The following TMEM131L variants were observed in gnomAD, a reference collection of about 807,000 sequenced individuals.
TMEM131L encodes transmembrane 131 like, also known as transmembrane protein 131-like.
In TMEM131L, 54 loss-of-function variants were observed where a neutral mutation model predicts 192.2. The observed-to-expected ratio is 0.28, with a 90% CI of 0.23 to 0.35. The LOEUF is 0.35. Among genes scored for constraint, TMEM131L ranks in the 10% least tolerant of loss-of-function variants. The pLI, the probability that TMEM131L is intolerant of heterozygous loss-of-function variation, is 1.00. For synonymous variants in TMEM131L, 701 were observed against 704.9 expected (o/e 0.99, Z 0.09); for missense variants, 1,888 against 1,972.9 (o/e 0.96, Z 0.82).
chr4:153,539,808 T>A (rs1187620002), intron 3 of TMEM131L, among the ~76,000 whole-genome samples: 312 of 149,300 alleles, frequency 2.1e-3, no homozygotes, highest in African/African-American at 7.0e-3. Context: ...ATTGGGACTT[T>A]AAAAAAAAAA....
chr4:153,541,671 C>T (rs996839015), intron 3 of TMEM131L, among the ~76,000 whole-genome samples: 1 of 152,190 alleles, frequency 6.6e-6, no homozygotes, highest in African/African-American at 2.4e-5. Flanking sequence ...ATCAGTCAAA[C>T]CACAGAAACC....
intron 3 of TMEM131L, among the ~76,000 whole-genome samples, chr4:153,497,979 G>A (rs1733313006): frequency 6.6e-6 from 1 of 151,920 alleles, no homozygotes; most frequent in Non-Finnish European, 1.5e-5. Context: ...GGTTCTGATG[G>A]CAGAGATCCG....
At chr4:153,550,476 G>A (rs955305140) in intron 4 of TMEM131L, among the ~76,000 whole-genome samples, 5 of 151,940 alleles carry the variant, frequency 3.3e-5, no homozygotes, top group Admixed American at 6.6e-5. Context: ...ACAGGCACCC[G>A]CCACCACGCC....
chr4:153,593,611 A>G (rs1290836406), intron 18 of TMEM131L, among the ~76,000 whole-genome samples, 188 bp from the exon 19 acceptor site: 1 of 149,336 alleles, frequency 6.7e-6, no homozygotes, highest in African/African-American at 2.6e-5. Flanking sequence ...GGGTGTGGGA[A>G]TGTGGGGTGG....
intron 25 of TMEM131L, among the ~76,000 whole-genome samples, chr4:153,604,638 A>C (rs1235252480): frequency 6.6e-6 from 1 of 152,226 alleles, no homozygotes; most frequent in African/African-American, 2.4e-5. Context: ...ATTTTAGTAC[A>C]TAAGTTTAGA....
At chr4:153,495,334 AAAC>A (rs1251494976) in intron 3 of TMEM131L, among the ~76,000 whole-genome samples, 3 of 152,114 alleles carry the variant, frequency 2.0e-5, no homozygotes, top group Non-Finnish European at 2.9e-5. Context: ...CAAAAAAAAA[AAAC>A]AAGTAAGTTA....
At chr4:153,477,983 C>T (rs886656410) in intron 3 of TMEM131L, among the ~76,000 whole-genome samples, 4 of 152,210 alleles carry the variant, frequency 2.6e-5, no homozygotes, top group African/African-American at 9.6e-5. Flanking sequence ...TCTCCTATCC[C>T]TGCCTGGATT....
At position 153,580,855 on chromosome 4, in the gene TMEM131L, G is replaced by C; in HGVS notation, c.690G>C (p.Gln230His). The C allele has an allele frequency of 1.2e-6, 2 of 1,612,798 alleles. No homozygotes were observed. The highest frequency in any genetic ancestry group is 1.7e-6 in the Non-Finnish European group (2 of 1,178,928). The change falls in exon 8 of 35, where the codon CAG (glutamine) becomes CAC (histidine). Residue 230 changes from glutamine to histidine, a missense_variant. Physicochemically the swap from Gln to His is conservative, Grantham distance 24. Transcript: ENST00000409959. ...QAETTNTSLL[Q>H]VQLECSLHNK... ...AAACCACTAATACTAGCCTCTTGCA[G>C]GTGCAACTGGAATGCAGTTTACATA...
chr4:153,623,160 T>C (rs1214662790), intron 29 of TMEM131L, 77 bp downstream of exon 29: 2 of 1,333,806 alleles, frequency 1.5e-6, no homozygotes, highest in Admixed American at 5.5e-5. Flanking sequence ...CCACACAGTC[T>C]CGATCTGCCT....
chr4:153,584,157 A>G (rs1415036372), intron 11 of TMEM131L, among the ~76,000 whole-genome samples: 1 of 152,212 alleles, frequency 6.6e-6, no homozygotes, highest in Non-Finnish European at 1.5e-5. Context: ...GTGTTCAGAA[A>G]CATGCATGGA....
rs375613709 is a variant in TMEM131L, at chr4:153,580,882, T to A, written c.717T>A (p.Asn239Lys). 1 of 1,609,412 alleles carries A rather than the reference T, an allele frequency of 6.2e-7. No homozygotes were observed. The highest frequency in any genetic ancestry group is 1.3e-5 in the African/African-American group (1 of 74,742). ...TGCAACTGGAATGCAGTTTACATAA[T>A]AAAGTGTGTCAGCAATTAAAGGTAA... is the stretch of plus-strand genomic sequence containing the variant. ...LQVQLECSLH[N>K]KVCQQLKGCY... The change falls in exon 8 of 35, where the codon AAT (asparagine) becomes AAA (lysine). Residue 239 changes from asparagine to lysine, a missense_variant. By Grantham distance (94) the Asn-to-Lys change is moderately conservative (BLOSUM62 0). Transcript: ENST00000409959.
At chr4:153,558,447 T>G in intron 7 of TMEM131L, 79 bp downstream of exon 7, 1 of 763,764 alleles carries the variant, frequency 1.3e-6, no homozygotes. Flanking sequence ...TTTTACTATT[T>G]TCTGCTTTTT....
At chr4:153,627,932 C>G (rs28375206) in intron 31 of TMEM131L, among the ~76,000 whole-genome samples, 71,994 of 152,066 alleles carry the variant, frequency 0.47, 17,782 homozygotes, top group African/African-American at 0.58. Context: ...GGCACAGATG[C>G]CCTATGTCCT....
intron 7 of TMEM131L, among the ~76,000 whole-genome samples, chr4:153,576,259 C>G (rs2150679222): frequency 6.6e-6 from 1 of 152,228 alleles, no homozygotes; most frequent in African/African-American, 2.4e-5. Context: ...CGCGCCCGGC[C>G]CAATTGTTTT....
intron 3 of TMEM131L, among the ~76,000 whole-genome samples, chr4:153,490,924 A>T (rs938544272): frequency 2.7e-5 from 4 of 146,466 alleles, no homozygotes; most frequent in African/African-American, 1.0e-4. Context: ...ACTGCACTCC[A>T]GCCTGGGCGA....
chr4:153,560,328 C>T (rs1427551301), intron 7 of TMEM131L, among the ~76,000 whole-genome samples: 2 of 152,208 alleles, frequency 1.3e-5, no homozygotes, highest in African/African-American at 4.8e-5. Context: ...AGCTCTGGGG[C>T]TGTCCTCACA....
In TMEM131L at chr4:153,514,630, A is replaced by G. The variant is rs545010099; in HGVS notation, c.240-35443A>G. On this transcript the variant is annotated intron_variant, in intron 3 of 34. Coordinates refer to ENST00000409959, the MANE Select transcript of TMEM131L (RefSeq NM_001131007.2). ...GTATCATTAGTAGCCCCATTTTATA[A>G]TAGGAAACCAAAGTTAGTACTCATT... 6.6e-5 allele frequency among the ~76,000 whole-genome samples: 10 copies of G among 152,312 alleles called. No individual in the cohort carries two copies. The East Asian group carries it at 1.7e-3, about 26-fold the overall frequency.
chr4:153,606,623 CAT>C (rs1732259130), intron 25 of TMEM131L, among the ~76,000 whole-genome samples: 1 of 152,182 alleles, frequency 6.6e-6, no homozygotes, highest in African/African-American at 2.4e-5. Flanking sequence ...AGTCTGGAAA[CAT>C]AGAGTTTGCC....
intron 31 of TMEM131L, among the ~76,000 whole-genome samples, chr4:153,629,719 T>G (rs1734086599): frequency 1.3e-5 from 2 of 152,158 alleles, no homozygotes; most frequent in African/African-American, 4.8e-5. Flanking sequence ...CTTGGTTAAG[T>G]CTTTTCAGTC....
Sources: allele counts gnomAD v4.1 joint callset (sites outside exome capture counted in the v4.1 genomes callset), GRCh38; gene constraint gnomAD v4.1.1; transcripts MANE v1.5; gene names NCBI Gene and HGNC (gene_info 2026-07-23, HGNC 2026-07-21).